CDH13: variants seen among roughly 807,000 people sequenced by gnomAD.
CDH13 encodes cadherin 13, also known as cadherin-13.
CDH13 carries 24 observed loss-of-function variants against 63.8 expected under a neutral mutation model. That is an observed-to-expected ratio of 0.38 (90% CI 0.27 to 0.53). The LOEUF (loss-of-function observed/expected upper bound fraction) is 0.53. CDH13 is among the 20% of genes least tolerant of loss of function. CDH13 has a pLI of 0.85. For missense variants in CDH13, 1,049 were observed against 903.1 expected (o/e 1.16, Z -2.07); for synonymous variants, 503 against 355.3 (o/e 1.42, Z -4.67).
intron 11 of CDH13, among the ~76,000 whole-genome samples, chr16:83,757,047 G>A (rs1389246603): frequency 6.6e-6 from 1 of 152,168 alleles, no homozygotes; most frequent in African/African-American, 2.4e-5. Context: ...TCTAACAAAC[G>A]TTTTTAACTG....
intron 2 of CDH13, among the ~76,000 whole-genome samples, chr16:82,991,414 A>G (rs975911442): frequency 2.6e-5 from 4 of 152,190 alleles, no homozygotes; most frequent in African/African-American, 7.2e-5. Flanking sequence ...TAAATTGGCC[A>G]GCCTTATGTT....
intron 7 of CDH13, among the ~76,000 whole-genome samples, chr16:83,561,029 C>T (rs6563931): frequency 0.78 from 118,269 of 152,102 alleles, 45,948 homozygotes; most frequent in Middle Eastern, 0.86. Flanking sequence ...GGAGGTTTTT[C>T]TTAATTATTT....
intron 4 of CDH13, among the ~76,000 whole-genome samples, chr16:83,216,093 G>A (rs1202877987): frequency 6.6e-6 from 1 of 150,546 alleles, no homozygotes; most frequent in Non-Finnish European, 1.5e-5. Flanking sequence ...TTCCTTGTCT[G>A]CCTGCTGCCT....
intron 6 of CDH13, among the ~76,000 whole-genome samples, chr16:83,479,511 G>C (rs929839498): frequency 7.9e-5 from 12 of 152,078 alleles, no homozygotes; most frequent in Admixed American, 4.6e-4. Flanking sequence ...AAAAAAATTA[G>C]CCGGGCGTAG....
chr16:83,065,431 G>A (rs1364055865), intron 3 of CDH13, among the ~76,000 whole-genome samples: 7 of 152,174 alleles, frequency 4.6e-5, no homozygotes, highest in African/African-American at 4.8e-5. Context: ...CAGGCTGGGC[G>A]TGGTGGCTCG....
intron 5 of CDH13, among the ~76,000 whole-genome samples, chr16:83,280,399 G>C (rs952518766): frequency 6.6e-6 from 1 of 152,170 alleles, no homozygotes; most frequent in Non-Finnish European, 1.5e-5. Flanking sequence ...ATGATGAGAT[G>C]GCAGGAATTC....
chr16:83,335,726 A>G (rs1301505508), intron 5 of CDH13, among the ~76,000 whole-genome samples: 4 of 152,184 alleles, frequency 2.6e-5, no homozygotes, highest in Non-Finnish European at 5.9e-5. Context: ...AAGCACTGTG[A>G]AAATCCCTAT....
Position 83,101,483 on chromosome 16 carries a change from G to T in CDH13, c.367-23902G>T, listed in dbSNP as rs28703240. ...AAGCACAGGAGGGGAAATGAAGTTT[G>T]AAGGATGTTTTAGAAATACTGGGTA... On this transcript the variant is annotated intron_variant, in intron 3 of 13. Coordinates refer to ENST00000567109, the MANE Select transcript of CDH13 (RefSeq NM_001257.5). Among the ~76,000 whole-genome samples the T allele has an allele frequency of 8.7e-3, 1,316 of 151,454 alleles. 23 individuals carry two copies. Among genetic ancestry groups the T allele is most frequent in the African/African-American group, 0.025 (1,029 of 41,346 alleles).
At chr16:83,369,499 G>C (rs1240775054) in intron 6 of CDH13, among the ~76,000 whole-genome samples, 1 of 152,078 alleles carries the variant, frequency 6.6e-6, no homozygotes, top group African/African-American at 2.4e-5. Flanking sequence ...GCTCACTGCA[G>C]CATCTAGCTC....
chr16:82,994,205 C>T (rs1354921894), intron 2 of CDH13, among the ~76,000 whole-genome samples: 1 of 152,158 alleles, frequency 6.6e-6, no homozygotes, highest in African/African-American at 2.4e-5. Flanking sequence ...AGAACCCATC[C>T]TTTGTGCATC....
intron 11 of CDH13, among the ~76,000 whole-genome samples, chr16:83,772,377 C>A: frequency 6.6e-6 from 1 of 151,988 alleles, no homozygotes; most frequent in East Asian, 1.9e-4. Flanking sequence ...CACTTGAAGC[C>A]ATTTGGATAA....
chr16:82,786,029 T>C (rs2035986332), intron 1 of CDH13, among the ~76,000 whole-genome samples: 1 of 152,056 alleles, frequency 6.6e-6, no homozygotes, highest in Non-Finnish European at 1.5e-5. Context: ...AAGAGAATGA[T>C]GGAGTGAGTG....
At chr16:82,741,764 T>G (rs574967192) in intron 1 of CDH13, among the ~76,000 whole-genome samples, 1 of 152,334 alleles carries the variant, frequency 6.6e-6, no homozygotes, top group African/African-American at 2.4e-5. Flanking sequence ...TTTTTATTTT[T>G]CAAATAGGGA....
At chr16:82,850,245 C>CA (rs1283960829) in intron 1 of CDH13, among the ~76,000 whole-genome samples, 1 of 151,962 alleles carries the variant, frequency 6.6e-6, no homozygotes, top group African/African-American at 2.4e-5. Context: ...GTTAAAATGT[C>CA]AAAAATAACA....
intron 6 of CDH13, among the ~76,000 whole-genome samples, chr16:83,463,392 C>T (rs2087371): frequency 0.42 from 63,959 of 152,064 alleles, 13,672 homozygotes; most frequent in Middle Eastern, 0.51. Context: ...CTCCATGTCA[C>T]CCTCTCTCTG....
At chr16:83,319,631 C>G (rs571010838) in intron 5 of CDH13, among the ~76,000 whole-genome samples, 1 of 152,012 alleles carries the variant, frequency 6.6e-6, no homozygotes, top group Non-Finnish European at 1.5e-5. Context: ...AATTACTAAA[C>G]AAAACTAGTG....
intron 2 of CDH13, among the ~76,000 whole-genome samples, chr16:82,965,024 G>A (rs1907603922): frequency 6.6e-6 from 1 of 152,198 alleles, no homozygotes; most frequent in African/African-American, 2.4e-5. Context: ...CAATCGCTGA[G>A]TACTGTCAAA....
chr16:82,855,817 C>T (rs902635042), intron 1 of CDH13, among the ~76,000 whole-genome samples: 5 of 152,174 alleles, frequency 3.3e-5, no homozygotes, highest in African/African-American at 1.2e-4. Flanking sequence ...GGTGAACCTC[C>T]TGAGATTGAT....
chr16:83,071,275 G>C (rs1475780055), intron 3 of CDH13, among the ~76,000 whole-genome samples: 1 of 152,184 alleles, frequency 6.6e-6, no homozygotes, highest in Admixed American at 6.5e-5. Context: ...TCCTTCAGCA[G>C]CGTATTATTT....
Sources: gnomAD v4.1 joint callset for allele counts (sites outside exome capture counted in the v4.1 genomes callset) on GRCh38, gnomAD v4.1.1 for gene constraint, MANE v1.5 for transcripts, NCBI Gene and HGNC (gene_info 2026-07-23, HGNC 2026-07-21) for gene names.